Variants in NFASC observed in about 807,000 individuals in gnomAD.
The protein encoded by NFASC is neurofascin homolog.
NFASC carries 43 observed loss-of-function variants against 147.5 expected under a neutral mutation model. That is an observed-to-expected ratio of 0.29 (90% CI 0.23 to 0.38). The LOEUF (loss-of-function observed/expected upper bound fraction) is 0.38. NFASC is among the 10% of genes least tolerant of loss of function. The pLI is 1.00. For missense variants in NFASC, 1,320 were observed against 1,689.0 expected (o/e 0.78, Z 3.83); for synonymous variants, 622 against 665.5 (o/e 0.93, Z 1.01).
Position 204,868,150 on chromosome 1 carries a change from C to T in NFASC, c.-200+39368C>T, listed in dbSNP as rs190088235. Among the ~76,000 whole-genome samples, 748 of 152,362 alleles carry T rather than the reference C, an allele frequency of 4.9e-3. 5 individuals are homozygous for T. The highest frequency in any genetic ancestry group is 0.017 in the African/African-American group (697 of 41,580). ...ACTGGACCCTTCACTGCAGTAGTTA[C>T]AGTCAGTGAGCAAATCCAGCTGGAC... is the stretch of plus-strand genomic sequence containing the variant. On this transcript the variant is annotated intron_variant, in intron 1 of 29. Coordinates refer to ENST00000339876, the MANE Select transcript of NFASC (RefSeq NM_001005388.3).
In NFASC at chr1:204,840,525, C is replaced by T. The variant is rs192925353; in HGVS notation, c.-200+11743C>T. 1.0e-3 allele frequency among the ~76,000 whole-genome samples: 158 copies of T among 152,310 alleles called. 1 individual carries two copies. The highest frequency in any genetic ancestry group is 4.6e-3 in the South Asian group (22 of 4,828). On this transcript the variant is annotated intron_variant, in intron 1 of 29. Transcript: ENST00000339876. Reference sequence around the variant, plus strand: ...ATGTCTTACAGCATATTACTAACACCTGCACCACAGTAGTAGTAGTTCTCT... The same window carrying T: ...ATGTCTTACAGCATATTACTAACACTTGCACCACAGTAGTAGTAGTTCTCT...
rs56325626 is a variant in NFASC, at chr1:204,920,616, T to C, written c.-199-16T>C. 1.6e-6 allele frequency: 2 copies of C among 1,252,880 alleles called. No individual in the cohort carries two copies. The highest frequency in any genetic ancestry group is 3.1e-5 in the African/African-American group (2 of 65,108). 77.6% of individuals were successfully genotyped at this position (1,252,880 alleles called of 1,614,324 possible). On this transcript the variant is annotated splice_polypyrimidine_tract_variant and intron_variant, in intron 1 of 29. Transcript: ENST00000339876. ...AGAGTAACCCTGGGGTTCTCCTTTG[T>C]GCTTGCTTGAGACAGGTTGATTGAC...
At chr1:204,934,125 G>T (rs1476520479) in intron 2 of NFASC, among the ~76,000 whole-genome samples, 1 of 138,892 alleles carries the variant, frequency 7.2e-6, no homozygotes, top group Non-Finnish European at 1.5e-5. Flanking sequence ...GCGACAGAGT[G>T]AGACTCCATT....
intron 1 of NFASC, chr1:204,871,088 G>T: frequency 7.8e-7 from 1 of 1,289,778 alleles, no homozygotes; most frequent in African/African-American, 1.5e-5. Flanking sequence ...GGTCAACTCT[G>T]CCCTCCCTCT....
At chr1:205,013,749 C>G (rs1167637722) in intron 29 of NFASC, among the ~76,000 whole-genome samples, 1 of 152,116 alleles carries the variant, frequency 6.6e-6, no homozygotes, top group Non-Finnish European at 1.5e-5. Flanking sequence ...GATCAGAGCC[C>G]TCCCTCCTCA....
chr1:204,942,849 T>C (rs77545587), intron 2 of NFASC, among the ~76,000 whole-genome samples: 2,403 of 152,132 alleles, frequency 0.016, 60 homozygotes, highest in African/African-American at 0.054. Context: ...TGAATAAGAA[T>C]CCTTTAGTTT....
At chr1:204,988,213 C>G (rs2095654976) in intron 22 of NFASC, among the ~76,000 whole-genome samples, 1 of 152,204 alleles carries the variant, frequency 6.6e-6, no homozygotes, top group Non-Finnish European at 1.5e-5. Context: ...TGGACCAGAC[C>G]CTTTCACCCT....
chr1:204,874,875 G>C (rs2103087947), intron 1 of NFASC, among the ~76,000 whole-genome samples: 1 of 152,256 alleles, frequency 6.6e-6, no homozygotes, highest in Non-Finnish European at 1.5e-5. Context: ...GGTGGGTGGT[G>C]GGGGCAGGTG....
Position 205,018,941 on chromosome 1 carries a change from C to T in NFASC, c.*2402C>T, listed in dbSNP as rs1322322805. ...AAGCCCGCAGCCTGCCTCTGCACCT[C>T]GTTCCAGTGTCCTGCCAGGCTCTGT... is the stretch of plus-strand genomic sequence containing the variant. On this transcript the variant is annotated 3_prime_UTR_variant, in exon 30 of 30. Transcript: ENST00000339876. 6.6e-6 allele frequency: 1 copy of T among 152,272 alleles called. No individual in the cohort carries two copies. The highest frequency in any genetic ancestry group is 1.5e-5 in the Non-Finnish European group (1 of 68,094). 9.4% of individuals were successfully genotyped at this position (152,272 alleles called of 1,614,324 possible). A position where few individuals can be genotyped will look rare whatever the true frequency, so the allele number is the denominator to read the frequency against.
intron 1 of NFASC, among the ~76,000 whole-genome samples, chr1:204,912,462 T>A (rs770195631): frequency 4.0e-5 from 6 of 151,028 alleles, no homozygotes; most frequent in Non-Finnish European, 7.4e-5. Flanking sequence ...TCAGGGGGGC[T>A]GAGGCAGGTG....
intron 8 of NFASC, 83 bp downstream of exon 8, chr1:204,957,909 TA>T: frequency 2.3e-6 from 3 of 1,317,426 alleles, no homozygotes; most frequent in South Asian, 2.4e-5. Context: ...CCTGAGTCTA[TA>T]GGGGGAGACT....
chr1:204,967,577 G>A (rs1478162215), intron 8 of NFASC, among the ~76,000 whole-genome samples: 2 of 125,250 alleles, frequency 1.6e-5, no homozygotes, highest in Non-Finnish European at 3.2e-5. Flanking sequence ...CCCCCTCCCC[G>A]AGCAGCTCAC....
chr1:204,970,826 TGCTGG>T, intron 11 of NFASC, 79 bp downstream of exon 11: 1 of 1,570,852 alleles, frequency 6.4e-7, no homozygotes, highest in Non-Finnish European at 8.7e-7. Context: ...CTGTAGCCAG[TGCTGG>T]TCACACTAGA....
At position 204,979,269 on chromosome 1, in the gene NFASC, TA is replaced by T; in HGVS notation, c.1979-90del. On this transcript the variant is annotated intron_variant, in intron 18 of 29. Coordinates refer to ENST00000339876, the MANE Select transcript of NFASC (RefSeq NM_001005388.3). This position sits in a 1 kb window ranked among gnomAD's most constrained non-coding sequence, Gnocchi z 6.0. ...TTGTGCCTTTGTGTGAGAGAGATTA[TA>T]AAGATCAATGGAAGCCAAGAAGGAA... 1.7e-6 allele frequency: 2 copies of T among 1,143,394 alleles called. No individual in the cohort carries two copies. Among genetic ancestry groups the T allele is most frequent in the Non-Finnish European group, 2.6e-6 (2 of 755,024 alleles). The allele number at this position is 1,143,394 out of a possible 1,614,324, so 70.8% of individuals were successfully genotyped here. A position where few individuals can be genotyped will look rare whatever the true frequency, so the allele number is the denominator to read the frequency against.
Position 205,016,434 on chromosome 1 carries a change from C to T in NFASC, c.3618C>T (p.Gly1206=), listed in dbSNP as rs2096362927. 3 of 1,614,140 alleles carry T rather than the reference C, an allele frequency of 1.9e-6. No homozygotes were observed. Among genetic ancestry groups the T allele is most frequent in the Non-Finnish European group, 2.5e-6 (3 of 1,180,010 alleles). ...GCGAGGGTCAGTTCAATGAAGACGG[C>T]TCCTTCATCGGCCAGTACACGGTCA... ...EGGEGQFNED[G]SFIGQYTVKK... is the part of the protein sequence containing the mutation. The change falls in exon 30 of 30, where the codon GGC becomes GGT. Residue 1206 remains glycine, a synonymous_variant. Transcript: ENST00000339876. The surrounding 1 kb of genome is among the most constrained non-coding windows in gnomAD (Gnocchi z 5.1).
At position 204,957,719 on chromosome 1, in the gene NFASC, C is replaced by G. The variant is rs1318096489; in HGVS notation, c.599C>G (p.Ser200Cys). 5 of 1,614,132 alleles carry G rather than the reference C, an allele frequency of 3.1e-6. No individual in the cohort carries two copies. Among genetic ancestry groups the G allele is most frequent in the Admixed American group, 3.3e-5 (2 of 60,034 alleles). ...GGCCATAACGGAGACCTATACTTCT[C>G]CAACGTGATGCTGCAGGACATGCAG... ...SQGHNGDLYFSNVMLQDMQTD... is the reference protein window; with the variant it reads ...SQGHNGDLYFCNVMLQDMQTD... Residue 200 changes from serine to cysteine, a missense_variant, in exon 8 of 30, where the codon TCC (serine) becomes TGC (cysteine). Ser to Cys is a moderately radical substitution (Grantham distance 112). Around this residue, in one of 3 missense-constraint regions of NFASC, gnomAD observed 981 missense variants for 1,289.5 expected, o/e 0.76. Transcript: ENST00000339876.
chr1:205,015,900 C>T lies in NFASC; in HGVS notation c.3492-408C>T, dbSNP rs1408698546. Among the ~76,000 whole-genome samples the T allele has an allele frequency of 1.3e-5, 2 of 152,144 alleles. No homozygotes were observed. The highest frequency in any genetic ancestry group is 4.8e-5 in the African/African-American group (2 of 41,438). On this transcript the variant is annotated intron_variant, in intron 29 of 29. Transcript: ENST00000339876. The surrounding 1 kb of genome is among the most constrained non-coding windows in gnomAD (Gnocchi z 4.0). The stretch of plus-strand genomic sequence containing the variant: ...GGGCCAGCCCCTCTTGATGGACAGA[C>T]TGAGGCCCAGGTCACAAAACCACAC...
intron 23 of NFASC, 95 bp from the exon 24 acceptor site, chr1:204,991,197 T>C: frequency 1.4e-6 from 2 of 1,433,816 alleles, no homozygotes; most frequent in Admixed American, 1.9e-5. Flanking sequence ...CTTCCCTGCT[T>C]TCCTTGTCCT....
intron 8 of NFASC, among the ~76,000 whole-genome samples, chr1:204,965,104 C>G (rs1416461583): frequency 6.6e-6 from 1 of 152,198 alleles, no homozygotes; most frequent in African/African-American, 2.4e-5. Context: ...CCTGAATCCA[C>G]ACAGATATGA....
Sources: gnomAD v4.1 joint callset for allele counts (sites outside exome capture counted in the v4.1 genomes callset) on GRCh38, gnomAD v4.1.1 for gene constraint, gnomAD v4.1.1 regional missense constraint, Gnocchi (gnomAD v3.1) non-coding constraint, MANE v1.5 for transcripts, NCBI Gene and HGNC (gene_info 2026-07-23, HGNC 2026-07-21) for gene names.